The following FER variants were observed in gnomAD, a reference collection of about 807,000 sequenced individuals.
The protein encoded by FER is tyrosine-protein kinase Fer.
In FER, 63 loss-of-function variants were observed where a neutral mutation model predicts 111.0. That is an observed-to-expected ratio of 0.57 (90% CI 0.46 to 0.70). FER has a LOEUF of 0.70. Ranked by LOEUF, FER falls within the 30% of genes least tolerant of loss-of-function variation. The pLI is 0.00. For missense variants in FER, 914 were observed against 954.0 expected, an observed-to-expected ratio of 0.96 and a Z score of 0.55; for synonymous variants, 327 against 313.9, an observed-to-expected ratio of 1.04 and a Z score of -0.44.
At position 108,946,150 on chromosome 5, in the gene FER, C is replaced by G. The variant is rs56341714; in HGVS notation, c.1257C>G (p.Ser419=). ...VTSMERKERL[S]KFESIRHSIA... is the part of the protein sequence containing the mutation. ...TCCAGGAAAGAAAGGAGAGGCTATC[C>G]AAATTTGAATCTATTCGTCATTCAA... The change falls in exon 11 of 20, where the codon TCC becomes TCG. Residue 419 remains serine (S), a synonymous_variant. Transcript: ENST00000281092. 17 of 1,611,968 alleles carry G rather than the reference C, an allele frequency of 1.1e-5. No individual in the cohort carries two copies. In the East Asian group the frequency reaches 3.6e-4, roughly 34 times the overall value.
rs187789798 is a variant in FER at position 108,856,610 on chromosome 5, A to G, written c.482-11157A>G. ...AGCTTTCATTTTAATTTTCGTATCC[A>G]GTATCTTTTAGGAAGAGACTATAAC... On this transcript the variant is annotated intron_variant, in intron 5 of 19. Transcript: ENST00000281092. Among the ~76,000 whole-genome samples the G allele has an allele frequency of 2.9e-3, 439 of 152,286 alleles. 3 individuals carry two copies. Among genetic ancestry groups the G allele is most frequent in the African/African-American group, 0.01 (422 of 41,556 alleles).
chr5:109,148,913 T>C (rs1754523607), intron 17 of FER, among the ~76,000 whole-genome samples: 1 of 152,116 alleles, frequency 6.6e-6, no homozygotes, highest in East Asian at 1.9e-4. Context: ...AAAGATGATG[T>C]AGATGTAGAG....
intron 10 of FER, among the ~76,000 whole-genome samples, chr5:108,910,389 T>C (rs1388243844): frequency 1.3e-5 from 2 of 152,172 alleles, no homozygotes; most frequent in Non-Finnish European, 2.9e-5. Flanking sequence ...TTTTTATGAC[T>C]TTCAGGTGAA....
chr5:109,031,790 ACTT>A (rs1282386704), intron 13 of FER, among the ~76,000 whole-genome samples: 10 of 152,136 alleles, frequency 6.6e-5, no homozygotes, highest in South Asian at 4.2e-4. Flanking sequence ...GTTTTTTGAG[ACTT>A]CTTCTGACTT....
chr5:108,794,854 G>A (rs189936423), intron 2 of FER, among the ~76,000 whole-genome samples: 1 of 152,226 alleles, frequency 6.6e-6, no homozygotes, highest in East Asian at 1.9e-4. Context: ...ATTATTAAAT[G>A]CCTTGAGGTA....
At chr5:109,100,617 C>A in intron 17 of FER, 98 bp downstream of exon 17, 2 of 1,220,026 alleles carry the variant, frequency 1.6e-6, no homozygotes, top group Non-Finnish European at 1.1e-6. Context: ...TTTCATGAAA[C>A]ATGTCTTTTC....
At chr5:108,768,277 G>T (rs959811995) in intron 2 of FER, 39 bp downstream of exon 2, 2 of 152,108 alleles carry the variant, frequency 1.3e-5, no homozygotes, top group Non-Finnish European at 2.9e-5. Context: ...TTACTAAACC[G>T]TTTTTTATTT....
intron 10 of FER, among the ~76,000 whole-genome samples, chr5:108,905,442 G>A (rs1020037073): frequency 6.6e-6 from 1 of 152,056 alleles, no homozygotes; most frequent in African/African-American, 2.4e-5. Flanking sequence ...TATAATAAAA[G>A]GAGAGAGAAG....
intron 16 of FER, among the ~76,000 whole-genome samples, chr5:109,068,254 G>A (rs553628505): frequency 1.1e-4 from 16 of 141,428 alleles, no homozygotes; most frequent in East Asian, 7.8e-4. Flanking sequence ...CACAGAGTCC[G>A]CTCACTGCAC....
At position 108,967,017 on chromosome 5, in the gene FER, C is replaced by G. The variant is rs1474851956; in HGVS notation, c.1656+7670C>G. Among the ~76,000 whole-genome samples the G allele has an allele frequency of 4.6e-5, 7 of 152,138 alleles. No homozygotes were observed. In the East Asian group the frequency reaches 1.4e-3, roughly 29 times the overall value. On this transcript the variant is annotated intron_variant, in intron 13 of 19. Transcript: ENST00000281092. ...GCACCTTATGACACATGATTTTTCTCAGTCACTTTGTAAGCCACGGACCTT... is the reference window on the plus strand; with the variant it reads ...GCACCTTATGACACATGATTTTTCTGAGTCACTTTGTAAGCCACGGACCTT...
At position 108,956,662 on chromosome 5, in the gene FER, T is replaced by C. The variant is rs572624919; in HGVS notation, c.1533+1730T>C. Among the ~76,000 whole-genome samples, 8 of 151,798 alleles carry C rather than the reference T, an allele frequency of 5.3e-5. No individual in the cohort carries two copies. In the South Asian group the frequency reaches 1.2e-3, roughly 24 times the overall value. ...TATCTCTGTTAAAGATGAGAACATT[T>C]ATTTTTCACTAAATGCCTCAGGTTT... is the stretch of plus-strand genomic sequence containing the variant. On this transcript the variant is annotated intron_variant, in intron 12 of 19. Coordinates refer to ENST00000281092, the MANE Select transcript of FER (RefSeq NM_005246.4).
chr5:108,934,494 A>G (rs999734974), intron 10 of FER, among the ~76,000 whole-genome samples: 7 of 152,184 alleles, frequency 4.6e-5, no homozygotes, highest in Non-Finnish European at 1.5e-5. Context: ...ATAAACGTAT[A>G]TTGACCAACT....
intron 16 of FER, among the ~76,000 whole-genome samples, chr5:109,061,235 T>C (rs947638068): frequency 2.0e-5 from 3 of 152,218 alleles, no homozygotes; most frequent in Non-Finnish European, 4.4e-5. Context: ...ATTTGAAACC[T>C]CTGATAAACT....
At chr5:109,068,603 C>T (rs1775403781) in intron 16 of FER, among the ~76,000 whole-genome samples, 1 of 152,150 alleles carries the variant, frequency 6.6e-6, no homozygotes, top group African/African-American at 2.4e-5. Flanking sequence ...TAAACATGAC[C>T]ACTGTGGCTT....
chr5:108,839,635 T>G (rs1370217220), intron 5 of FER, among the ~76,000 whole-genome samples: 3 of 141,992 alleles, frequency 2.1e-5, no homozygotes, highest in African/African-American at 8.1e-5. Flanking sequence ...TGGAGTGCAG[T>G]GGCGCTGTCT....
At chr5:108,874,704 G>A (rs562368436) in intron 8 of FER, among the ~76,000 whole-genome samples, 87 of 150,910 alleles carry the variant, frequency 5.8e-4, no homozygotes, top group African/African-American at 2.0e-3. Flanking sequence ...TCGTAGATTC[G>A]TGTTGTAATA....
chr5:108,874,178 A>G (rs1054075435), intron 8 of FER, among the ~76,000 whole-genome samples: 2 of 152,138 alleles, frequency 1.3e-5, no homozygotes, highest in Non-Finnish European at 2.9e-5. Flanking sequence ...TAGATTTTGG[A>G]ATATAGTGTG....
chr5:109,033,096 C>T lies in FER; in HGVS notation c.1657-4326C>T, dbSNP rs546886632. 3.9e-5 allele frequency among the ~76,000 whole-genome samples: 6 copies of T among 152,190 alleles called. No homozygotes were observed. The East Asian group carries it at 1.2e-3, about 29-fold the overall frequency. ...TTGTAATACATCTTTTATGTCTTTG[C>T]CTTGTTTCTATTGATGGTTTATACT... On this transcript the variant is annotated intron_variant, in intron 13 of 19. Coordinates refer to ENST00000281092, the MANE Select transcript of FER (RefSeq NM_005246.4).
intron 16 of FER, among the ~76,000 whole-genome samples, chr5:109,080,335 G>C (rs1026269626): frequency 2.0e-5 from 3 of 152,054 alleles, no homozygotes; most frequent in Non-Finnish European, 2.9e-5. Context: ...TCTGGGAAGT[G>C]ATGAAAGACC....
Sources: allele counts gnomAD v4.1 joint callset (sites outside exome capture counted in the v4.1 genomes callset), GRCh38; gene constraint gnomAD v4.1.1; transcripts MANE v1.5; gene names NCBI Gene and HGNC (gene_info 2026-07-23, HGNC 2026-07-21).